Variants in SPATA17 observed in about 807,000 individuals in gnomAD.
The protein encoded by SPATA17 is spermatogenesis associated 17.
A neutral mutation model predicts 62.2 loss-of-function variants in SPATA17; 53 were observed. The observed-to-expected ratio is 0.85, with a 90% CI of 0.68 to 1.07. The LOEUF is 1.07. SPATA17 is among the 50% of genes least tolerant of loss of function. The probability of loss-of-function intolerance (pLI) is 0.00; values close to 1 mark genes in which losing one functional copy is unlikely to be tolerated. For synonymous variants in SPATA17, 146 were observed against 146.8 expected, an observed-to-expected ratio of 0.99 and a Z score of 0.04; for missense variants, 466 against 425.5, an observed-to-expected ratio of 1.10 and a Z score of -0.84.
chr1:217,785,499 T>C (rs981039427), intron 8 of SPATA17, among the ~76,000 whole-genome samples: 17 of 152,156 alleles, frequency 1.1e-4, no homozygotes, highest in African/African-American at 3.4e-4. Context: ...CCAGATCTCA[T>C]GAGAACTCAC....
At chr1:217,798,513 C>T (rs1674212841) in intron 8 of SPATA17, among the ~76,000 whole-genome samples, 1 of 152,128 alleles carries the variant, frequency 6.6e-6, no homozygotes, top group South Asian at 2.1e-4. Flanking sequence ...GAAATCTCTT[C>T]CAATAGAAGG....
At position 217,774,062 on chromosome 1, in the gene SPATA17, G is replaced by A. The variant is rs564336539; in HGVS notation, c.520-272G>A. ...TTCTTAAGTATAGTGATGTAAAAAGGCTGTGTGACAGATAGGAACTTGAGC... is the reference window on the plus strand; with the variant it reads ...TTCTTAAGTATAGTGATGTAAAAAGACTGTGTGACAGATAGGAACTTGAGC... On this transcript the variant is annotated intron_variant, in intron 6 of 10. Transcript: ENST00000366933. 2.6e-5 allele frequency among the ~76,000 whole-genome samples: 4 copies of A among 152,224 alleles called. No individual in the cohort carries two copies. The South Asian group carries it at 6.2e-4, about 24-fold the overall frequency.
At chr1:217,845,991 T>C (rs1038220869) in intron 9 of SPATA17, among the ~76,000 whole-genome samples, 16 of 152,162 alleles carry the variant, frequency 1.1e-4, no homozygotes, top group Admixed American at 9.8e-4. Flanking sequence ...AGGAAATTCT[T>C]CTGCTAGCCC....
intron 5 of SPATA17, among the ~76,000 whole-genome samples, chr1:217,687,230 T>A (rs1416031858): frequency 6.6e-6 from 1 of 152,136 alleles, no homozygotes; most frequent in East Asian, 1.9e-4. Flanking sequence ...ATTTAATATA[T>A]TTTTATATAT....
intron 9 of SPATA17, among the ~76,000 whole-genome samples, chr1:217,822,838 C>G (rs185380851): frequency 2.1e-4 from 32 of 151,038 alleles, no homozygotes; most frequent in African/African-American, 7.5e-4. Flanking sequence ...TCAAGTCAGC[C>G]TGCTCAACTG....
At chr1:217,764,768 G>C (rs752598526) in intron 6 of SPATA17, among the ~76,000 whole-genome samples, 1 of 152,072 alleles carries the variant, frequency 6.6e-6, no homozygotes, top group Non-Finnish European at 1.5e-5. Context: ...GGCCATTTCA[G>C]TTGGTATATA....
intron 6 of SPATA17, among the ~76,000 whole-genome samples, chr1:217,755,731 A>G (rs1238338796): frequency 6.6e-6 from 1 of 151,946 alleles, no homozygotes; most frequent in African/African-American, 2.4e-5. Flanking sequence ...ATTTTGTTGT[A>G]TTTATAATAC....
chr1:217,755,654 A>C (rs756908268), intron 6 of SPATA17, among the ~76,000 whole-genome samples: 50 of 152,122 alleles, frequency 3.3e-4, no homozygotes, highest in Admixed American at 1.6e-3. Context: ...TCATGTAAAC[A>C]TATGTATGCA....
At chr1:217,644,885 T>C (rs1162040965) in intron 1 of SPATA17, among the ~76,000 whole-genome samples, 1 of 152,134 alleles carries the variant, frequency 6.6e-6, no homozygotes, top group East Asian at 1.9e-4. Flanking sequence ...GTAGATGTCA[T>C]ATTTTATTCA....
chr1:217,842,698 A>C (rs116006570), intron 9 of SPATA17, among the ~76,000 whole-genome samples: 1 of 152,044 alleles, frequency 6.6e-6, no homozygotes, highest in Non-Finnish European at 1.5e-5. Flanking sequence ...AAATTTCATC[A>C]ATCTAGAAAA....
intron 9 of SPATA17, among the ~76,000 whole-genome samples, chr1:217,820,945 G>A (rs752863708): frequency 2.0e-5 from 3 of 152,076 alleles, no homozygotes; most frequent in Non-Finnish European, 2.9e-5. Context: ...GGGATTTTGT[G>A]CTGCATTAAA....
intron 1 of SPATA17, among the ~76,000 whole-genome samples, chr1:217,639,385 T>G (rs1670007177): frequency 6.6e-6 from 1 of 152,080 alleles, no homozygotes; most frequent in Non-Finnish European, 1.5e-5. Flanking sequence ...ATGTAAAGAC[T>G]CCTAGTTATG....
At chr1:217,742,343 C>T (rs1333156985) in intron 6 of SPATA17, among the ~76,000 whole-genome samples, 1 of 152,186 alleles carries the variant, frequency 6.6e-6, no homozygotes, top group Non-Finnish European at 1.5e-5. Context: ...TGATCTGCCA[C>T]GGTGATAACA....
At chr1:217,633,071 G>A (rs553496250) in intron 1 of SPATA17, among the ~76,000 whole-genome samples, 5 of 152,198 alleles carry the variant, frequency 3.3e-5, no homozygotes, top group South Asian at 2.1e-4. Context: ...GGTGGTGCAC[G>A]CCTGTAGTCC....
intron 1 of SPATA17, among the ~76,000 whole-genome samples, chr1:217,638,348 A>G (rs182807025): frequency 2.0e-5 from 3 of 152,276 alleles, no homozygotes; most frequent in Admixed American, 2.0e-4. Context: ...TGTTTCTAAA[A>G]CCAACAGCCA....
At chr1:217,724,064 A>G (rs1672201403) in intron 5 of SPATA17, among the ~76,000 whole-genome samples, 2 of 152,210 alleles carry the variant, frequency 1.3e-5, no homozygotes, top group Non-Finnish European at 2.9e-5. Context: ...CCACCATGAC[A>G]AGTTACATTT....
At chr1:217,764,824 C>T (rs1234314148) in intron 6 of SPATA17, among the ~76,000 whole-genome samples, 1 of 151,974 alleles carries the variant, frequency 6.6e-6, no homozygotes, top group African/African-American at 2.4e-5. Context: ...TTTTCTTATA[C>T]TTATTTGCCA....
Position 217,668,968 on chromosome 1 carries a change from T to A in SPATA17, c.241-65T>A, listed in dbSNP as rs950280592. 11 of 1,347,860 alleles carry A rather than the reference T, an allele frequency of 8.2e-6. 1 individual carries two copies. Among genetic ancestry groups the A allele is most frequent in the Non-Finnish European group, 1.2e-5 (11 of 946,932 alleles). The allele number at this position is 1,347,860 out of a possible 1,614,324, so 83.5% of individuals were successfully genotyped here. On this transcript the variant is annotated intron_variant, in intron 3 of 10. Coordinates refer to ENST00000366933, the MANE Select transcript of SPATA17 (RefSeq NM_138796.4). ...TATAAAGATTCTTATCTTTTATATG[T>A]AAAAATAGGCTGCACTGTCTTTGTG...
chr1:217,712,201 A>G (rs1671888987), intron 5 of SPATA17, among the ~76,000 whole-genome samples: 1 of 143,874 alleles, frequency 7.0e-6, no homozygotes, highest in Non-Finnish European at 1.5e-5. Context: ...ATCTCGGCTC[A>G]CTGCAACCTC....
Sources: allele counts gnomAD v4.1 joint callset (sites outside exome capture counted in the v4.1 genomes callset), GRCh38; gene constraint gnomAD v4.1.1; transcripts MANE v1.5; gene names NCBI Gene and HGNC (gene_info 2026-07-23, HGNC 2026-07-21).